The following GRID2 variants were observed in gnomAD, a reference collection of about 807,000 sequenced individuals.
The protein encoded by GRID2 is glutamate ionotropic receptor delta type subunit 2, also known as glutamate receptor ionotropic, delta-2.
A neutral mutation model predicts 114.8 loss-of-function variants in GRID2; 33 were observed. The ratio of observed to expected loss-of-function variants is 0.29; its 90% CI spans 0.22 to 0.38. The LOEUF is 0.38. Among genes scored for constraint, GRID2 ranks in the 10% least tolerant of loss-of-function variants. The probability of loss-of-function intolerance (pLI) is 1.00; values close to 1 mark genes in which losing one functional copy is unlikely to be tolerated. For synonymous variants in GRID2, 505 were observed against 449.9 expected (o/e 1.12, Z -1.55); for missense variants, 1,184 against 1,257.7 (o/e 0.94, Z 0.89).
intron 8 of GRID2, among the ~76,000 whole-genome samples, chr4:93,360,484 A>G (rs540114456): frequency 1.3e-5 from 2 of 152,142 alleles, no homozygotes; most frequent in Admixed American, 1.3e-4. Flanking sequence ...TTTTCTAAAT[A>G]TGTGAGATAT....
At chr4:93,656,340 A>G (rs1323295378) in intron 14 of GRID2, among the ~76,000 whole-genome samples, 1 of 152,128 alleles carries the variant, frequency 6.6e-6, no homozygotes, top group Non-Finnish European at 1.5e-5. Context: ...GGGCATTGAG[A>G]ATAATAAGTA....
chr4:93,541,108 C>T (rs942859646), intron 13 of GRID2, among the ~76,000 whole-genome samples: 4 of 152,080 alleles, frequency 2.6e-5, no homozygotes, highest in African/African-American at 9.7e-5. Flanking sequence ...TTGAGAGACA[C>T]TATGGAGAAA....
At chr4:92,473,238 C>T (rs952508373) in intron 1 of GRID2, among the ~76,000 whole-genome samples, 1 of 152,036 alleles carries the variant, frequency 6.6e-6, no homozygotes, top group African/African-American at 2.4e-5. Context: ...CTCCATTCTA[C>T]TTTATTGCTT....
chr4:92,408,837 C>T (rs1227958510), intron 1 of GRID2, among the ~76,000 whole-genome samples: 5 of 151,894 alleles, frequency 3.3e-5, no homozygotes, highest in Admixed American at 2.0e-4. Context: ...TATTATGAAA[C>T]GTTACTGTAT....
intron 2 of GRID2, among the ~76,000 whole-genome samples, chr4:93,022,369 T>A (rs1723454670): frequency 6.6e-6 from 1 of 152,002 alleles, no homozygotes; most frequent in African/African-American, 2.4e-5. Context: ...ATTCTTTCCT[T>A]CTATGCATTC....
rs141903649 is a variant in GRID2 at position 92,790,120 on chromosome 4, G to A, written c.244+199834G>A. Among the ~76,000 whole-genome samples, 244 of 151,702 alleles carry A rather than the reference G, an allele frequency of 1.6e-3. 3 individuals are homozygous for A. Among genetic ancestry groups the A allele is most frequent in the African/African-American group, 4.0e-3 (164 of 41,410 alleles). On this transcript the variant is annotated intron_variant, in intron 2 of 15. Transcript: ENST00000282020. ...TATGTATATATGTATGTGCGTATGC[G>A]TGTATACATATATAAGTATATATAG...
chr4:92,457,347 G>A (rs562097538), intron 1 of GRID2, among the ~76,000 whole-genome samples: 63 of 152,140 alleles, frequency 4.1e-4, no homozygotes, highest in African/African-American at 1.5e-3. Flanking sequence ...ATGTTTATGT[G>A]TTAGATTGTA....
At chr4:93,247,432 GGTAA>G (rs1748335666) in intron 8 of GRID2, among the ~76,000 whole-genome samples, 2 of 152,018 alleles carry the variant, frequency 1.3e-5, no homozygotes, top group Admixed American at 6.6e-5. Flanking sequence ...GCAGAGAAAG[GGTAA>G]GTTTGCTCCC....
chr4:93,348,961 C>CTATT (rs925335384), intron 8 of GRID2, among the ~76,000 whole-genome samples: 18 of 152,092 alleles, frequency 1.2e-4, no homozygotes, highest in Middle Eastern at 3.4e-3. Flanking sequence ...TCTTGGCTGG[C>CTATT]TATTTATTTA....
intron 4 of GRID2, among the ~76,000 whole-genome samples, chr4:93,199,239 C>A (rs1273532408): frequency 6.6e-6 from 1 of 152,182 alleles, no homozygotes; most frequent in East Asian, 1.9e-4. Context: ...GACAGTAACA[C>A]AGTGGTTTCT....
chr4:92,934,212 G>A (rs934041707), intron 2 of GRID2, among the ~76,000 whole-genome samples: 27 of 151,796 alleles, frequency 1.8e-4, no homozygotes, highest in Non-Finnish European at 3.7e-4. Context: ...ATTTCATTGA[G>A]CAGTGGTTTC....
intron 13 of GRID2, among the ~76,000 whole-genome samples, chr4:93,569,244 C>T (rs983431591): frequency 3.3e-5 from 5 of 152,198 alleles, no homozygotes; most frequent in Non-Finnish European, 2.9e-5. Context: ...TCCCTGCCCT[C>T]CTTTCATTAC....
At chr4:93,071,802 T>G (rs1350901158) in intron 2 of GRID2, among the ~76,000 whole-genome samples, 1 of 152,176 alleles carries the variant, frequency 6.6e-6, no homozygotes, top group Admixed American at 6.6e-5. Flanking sequence ...AGAGTTATGA[T>G]TTTTCTTTAT....
At chr4:92,703,826 C>G (rs1056468027) in intron 2 of GRID2, among the ~76,000 whole-genome samples, 3 of 151,926 alleles carry the variant, frequency 2.0e-5, no homozygotes, top group African/African-American at 7.3e-5. Flanking sequence ...TTTACTCAAA[C>G]TGGGCTTCTA....
intron 2 of GRID2, among the ~76,000 whole-genome samples, chr4:92,888,864 T>G (rs527802703): frequency 1.3e-5 from 2 of 151,834 alleles, no homozygotes; most frequent in African/African-American, 4.8e-5. Flanking sequence ...ATTAGATCAC[T>G]TGGAAAGAAA....
intron 2 of GRID2, among the ~76,000 whole-genome samples, chr4:92,947,884 A>G (rs1340599317): frequency 1.3e-5 from 2 of 151,804 alleles, no homozygotes; most frequent in Admixed American, 1.3e-4. Context: ...AATGAATCCT[A>G]TGTTGTTTGT....
intron 1 of GRID2, among the ~76,000 whole-genome samples, chr4:92,415,740 G>GTATATATATATATATATATA (rs70940888): frequency 2.4e-5 from 2 of 82,230 alleles, no homozygotes; most frequent in Non-Finnish European, 4.8e-5. Flanking sequence ...GTGTATGTGT[G>GTATATATATATATATATATA]TATATATATA....
chr4:93,257,997 TATACACACACACACAC>T (rs1230063839), intron 8 of GRID2, among the ~76,000 whole-genome samples: 3 of 16,598 alleles, frequency 1.8e-4, no homozygotes, highest in Admixed American at 1.1e-3. Context: ...TATATATATA[TATACACACACACACAC>T]ACACACACAC....
At chr4:92,771,888 T>C (rs1319941003) in intron 2 of GRID2, among the ~76,000 whole-genome samples, 3 of 152,132 alleles carry the variant, frequency 2.0e-5, no homozygotes, top group South Asian at 2.1e-4. Flanking sequence ...ATCCATTCAC[T>C]GTCAGGAATC....
Sources: gnomAD v4.1 joint callset for allele counts (sites outside exome capture counted in the v4.1 genomes callset) on GRCh38, gnomAD v4.1.1 for gene constraint, MANE v1.5 for transcripts, NCBI Gene and HGNC (gene_info 2026-07-23, HGNC 2026-07-21) for gene names.